The following RANBP17 variants were observed in gnomAD, a reference collection of about 807,000 sequenced individuals.
The protein encoded by RANBP17 is ran-binding protein 17.
Under a neutral mutation model 141.2 loss-of-function variants are expected in RANBP17, and 158 were observed. The ratio of observed to expected loss-of-function variants is 1.12; its 90% confidence interval spans 0.98 to 1.28. The LOEUF (loss-of-function observed/expected upper bound fraction) is 1.28, where lower values mean the gene tolerates loss of function less well. Ranked by LOEUF, RANBP17 falls within the 50% of genes most tolerant of loss-of-function variation. RANBP17 has a pLI of 0.00. For synonymous variants in RANBP17, 430 were observed against 450.0 expected (o/e 0.96, Z 0.56); for missense variants, 1,438 against 1,290.7 (o/e 1.11, Z -1.75).
At chr5:170,965,729 G>T (rs1301450745) in intron 13 of RANBP17, among the ~76,000 whole-genome samples, 1 of 152,092 alleles carries the variant, frequency 6.6e-6, no homozygotes, top group African/African-American at 2.4e-5. Context: ...CGTTATTTCT[G>T]AGGGCTCTGT....
intron 14 of RANBP17, among the ~76,000 whole-genome samples, chr5:171,044,109 A>G (rs778956043): frequency 1.5e-4 from 23 of 152,148 alleles, no homozygotes; most frequent in Non-Finnish European, 3.4e-4. Context: ...TTGCACTATT[A>G]TGATCTTAAA....
Position 171,183,334 on chromosome 5 carries a change from C to T in RANBP17, c.1942C>T (p.Pro648Ser), listed in dbSNP as rs776369748. The T allele has an allele frequency of 1.2e-6, 2 of 1,613,716 alleles. No homozygotes were observed. The highest frequency in any genetic ancestry group is 1.7e-5 in the Admixed American group (1 of 60,016). ...MLKNHTSEHF[P>S]FLGISDNHSL... ...TTGCTTTCATTAGAGTGAACACTTC[C>T]CTTTTCTTGGCATCAGTGACAATCA... The change falls in exon 18 of 28, where the codon CCT becomes TCT. Residue 648 changes from proline (P) to serine (S), a missense_variant. Coordinates refer to ENST00000523189, the MANE Select transcript of RANBP17 (RefSeq NM_022897.5).
intron 12 of RANBP17, among the ~76,000 whole-genome samples, chr5:170,941,528 G>C (rs1774324269): frequency 6.6e-6 from 1 of 152,100 alleles, no homozygotes; most frequent in Non-Finnish European, 1.5e-5. Context: ...CAAGAATTTA[G>C]AAGATGTTTG....
intron 24 of RANBP17, among the ~76,000 whole-genome samples, chr5:171,258,569 A>G (rs1766076435): frequency 6.6e-6 from 1 of 152,230 alleles, no homozygotes; most frequent in Admixed American, 6.5e-5. Context: ...GAGCCCAGAA[A>G]TAAAGTCACA....
chr5:171,255,443 C>A (rs1463728192), intron 24 of RANBP17, among the ~76,000 whole-genome samples: 2 of 151,480 alleles, frequency 1.3e-5, no homozygotes, highest in African/African-American at 4.9e-5. Flanking sequence ...TAAAAAAAAA[C>A]ATGCAGTAAA....
Position 171,295,993 on chromosome 5 carries a change from T to C in RANBP17, c.3149T>C (p.Leu1050Pro), listed in dbSNP as rs1199603231. ...CTAATGGAAGGAGTGGAGCAGAACCTGTCCGTCAAGAACAGAGACAGGTGA... is the reference window on the plus strand; with the variant it reads ...CTAATGGAAGGAGTGGAGCAGAACCCGTCCGTCAAGAACAGAGACAGGTGA... ...RNLMEGVEQN[L>P]SVKNRDRFTQ... Residue 1050 changes from leucine to proline, a missense_variant, in exon 27 of 28, where the codon CTG (leucine) becomes CCG (proline). Physicochemically the swap from Leu to Pro is moderately conservative, Grantham distance 98. Coordinates refer to ENST00000523189, the MANE Select transcript of RANBP17 (RefSeq NM_022897.5). 1 of 1,613,586 alleles carries C rather than the reference T, an allele frequency of 6.2e-7. No homozygotes were observed. Among genetic ancestry groups the C allele is most frequent in the Admixed American group, 1.7e-5 (1 of 59,982 alleles).
intron 4 of RANBP17, among the ~76,000 whole-genome samples, chr5:170,893,398 G>T (rs1043995590): frequency 1.3e-5 from 2 of 152,078 alleles, no homozygotes; most frequent in African/African-American, 4.8e-5. Context: ...GTCATGCCTT[G>T]CTCAGTATGA....
At chr5:171,055,897 CAAAAA>C (rs1185355403) in intron 14 of RANBP17, among the ~76,000 whole-genome samples, 2 of 42,318 alleles carry the variant, frequency 4.7e-5, no homozygotes, top group East Asian at 8.5e-4. Context: ...AAAAAAAAAA[CAAAAA>C]AAAAAACATT....
intron 14 of RANBP17, among the ~76,000 whole-genome samples, chr5:171,118,196 G>C (rs775324318): frequency 6.6e-6 from 1 of 151,990 alleles, no homozygotes; most frequent in African/African-American, 2.4e-5. Flanking sequence ...GTCTAGTTTC[G>C]TACTTCAGCA....
chr5:171,280,716 C>G (rs1414670456), intron 25 of RANBP17, among the ~76,000 whole-genome samples: 1 of 152,192 alleles, frequency 6.6e-6, no homozygotes, highest in Admixed American at 6.5e-5. Flanking sequence ...ATCCTCTGGC[C>G]TTTCATGAAT....
intron 3 of RANBP17, among the ~76,000 whole-genome samples, chr5:170,882,946 G>A (rs2127361359): frequency 6.6e-6 from 1 of 152,222 alleles, no homozygotes; most frequent in African/African-American, 2.4e-5. Flanking sequence ...ACTCATTTCT[G>A]TTCTTCAGCC....
intron 14 of RANBP17, among the ~76,000 whole-genome samples, chr5:171,035,016 G>A (rs1561577425): frequency 6.6e-6 from 1 of 151,662 alleles, no homozygotes; most frequent in African/African-American, 2.4e-5. Flanking sequence ...TGGACATATG[G>A]CTATAAATAA....
At chr5:171,130,431 C>CTT (rs72051535) in intron 14 of RANBP17, among the ~76,000 whole-genome samples, 1,393 of 90,022 alleles carry the variant, frequency 0.015, 148 homozygotes, top group Middle Eastern at 0.043. Context: ...TTTAAAAAGA[C>CTT]TTTTTTTTTT....
At chr5:171,223,055 A>T (rs567807714) in intron 22 of RANBP17, among the ~76,000 whole-genome samples, 428 of 152,298 alleles carry the variant, frequency 2.8e-3, no homozygotes, top group Non-Finnish European at 4.9e-3. Context: ...CACTTTTTTT[A>T]AAGTAAAAGC....
intron 12 of RANBP17, among the ~76,000 whole-genome samples, chr5:170,934,314 C>T (rs1773670053): frequency 6.6e-6 from 1 of 152,142 alleles, no homozygotes; most frequent in African/African-American, 2.4e-5. Flanking sequence ...TGTCTCTGCA[C>T]ATGAGATGGG....
intron 14 of RANBP17, among the ~76,000 whole-genome samples, chr5:171,090,913 G>T (rs1786209388): frequency 6.6e-6 from 1 of 152,206 alleles, no homozygotes; most frequent in African/African-American, 2.4e-5. Flanking sequence ...ACATCTGGAT[G>T]CCCAGGTAAA....
chr5:171,054,583 T>G (rs941996710), intron 14 of RANBP17, among the ~76,000 whole-genome samples: 1 of 152,170 alleles, frequency 6.6e-6, no homozygotes, highest in African/African-American at 2.4e-5. Context: ...TTGGTTTTGG[T>G]GCATTTTGGC....
At chr5:171,251,701 C>T (rs1264748167) in intron 24 of RANBP17, among the ~76,000 whole-genome samples, 1 of 152,072 alleles carries the variant, frequency 6.6e-6, no homozygotes, top group Non-Finnish European at 1.5e-5. Context: ...TGTGTGGGTC[C>T]GTGGCGGCTC....
intron 12 of RANBP17, among the ~76,000 whole-genome samples, chr5:170,944,128 A>G (rs1003930491): frequency 6.6e-6 from 1 of 152,084 alleles, no homozygotes; most frequent in African/African-American, 2.4e-5. Context: ...GTTAGTAGCT[A>G]ATTTCCGAAA....
Sources: allele counts gnomAD v4.1 joint callset (sites outside exome capture counted in the v4.1 genomes callset), GRCh38; gene constraint gnomAD v4.1.1; transcripts MANE v1.5; gene names NCBI Gene and HGNC (gene_info 2026-07-23, HGNC 2026-07-21).